The following NEK1 variants were observed in gnomAD, a reference collection of about 807,000 sequenced individuals.
NEK1 encodes the protein NIMA related kinase 1.
NEK1 carries 137 observed loss-of-function variants against 182.1 expected under a neutral mutation model. The observed-to-expected ratio is 0.75, with a 90% CI of 0.65 to 0.87. The LOEUF (loss-of-function observed/expected upper bound fraction) is 0.87, where lower values mean the gene tolerates loss of function less well. Among genes scored for constraint, NEK1 ranks in the 40% least tolerant of loss-of-function variants. The probability of loss-of-function intolerance (pLI) is 0.00; values close to 1 mark genes in which losing one functional copy is unlikely to be tolerated. For synonymous variants in NEK1, 513 were observed against 492.2 expected (o/e 1.04, Z -0.56); for missense variants, 1,391 against 1,494.4 (o/e 0.93, Z 1.14).
chr4:169,573,781 T>C (rs1209091737), intron 12 of NEK1, among the ~76,000 whole-genome samples: 1 of 152,184 alleles, frequency 6.6e-6, no homozygotes, highest in East Asian at 1.9e-4. Flanking sequence ...AGAGTTGTTA[T>C]TATTGATAAT....
At chr4:169,593,649 G>A (rs1317227688) in intron 5 of NEK1, among the ~76,000 whole-genome samples, 1 of 152,092 alleles carries the variant, frequency 6.6e-6, no homozygotes, top group Non-Finnish European at 1.5e-5. Flanking sequence ...CTACATTAGG[G>A]TTTGACCACA....
chr4:169,588,828 T>C (rs931066626), intron 7 of NEK1, 93 bp from the exon 8 acceptor site: 22 of 762,202 alleles, frequency 2.9e-5, no homozygotes, highest in Non-Finnish European at 4.3e-5. Context: ...GCATATATGA[T>C]GCTGGTCCCA....
At chr4:169,508,518 AAAAG>A (rs1753682824) in intron 20 of NEK1, among the ~76,000 whole-genome samples, 187 bp from the exon 21 acceptor site, 1 of 152,242 alleles carries the variant, frequency 6.6e-6, no homozygotes, top group Admixed American at 6.5e-5. Context: ...TTTATTTCTG[AAAAG>A]AAAGAAATAC....
chr4:169,413,171 A>ATT (rs5863996), intron 31 of NEK1, among the ~76,000 whole-genome samples: 1 of 144,564 alleles, frequency 6.9e-6, no homozygotes, highest in African/African-American at 2.5e-5. Context: ...AGTACAGCTA[A>ATT]TTTTTTTTTT....
At chr4:169,482,577 G>A (rs1164971824) in intron 23 of NEK1, among the ~76,000 whole-genome samples, 1 of 150,996 alleles carries the variant, frequency 6.6e-6, no homozygotes, top group Non-Finnish European at 1.5e-5. Context: ...CTCCCGAGTT[G>A]CTGAGACTAC....
chr4:169,522,594 C>G (rs1178337047), intron 19 of NEK1, among the ~76,000 whole-genome samples: 2 of 152,220 alleles, frequency 1.3e-5, no homozygotes, highest in Non-Finnish European at 2.9e-5. Context: ...CTGATTCATT[C>G]TTCTGGTGCT....
intron 12 of NEK1, among the ~76,000 whole-genome samples, chr4:169,562,866 C>T (rs1286903981): frequency 6.6e-6 from 1 of 151,958 alleles, no homozygotes; most frequent in Non-Finnish European, 1.5e-5. Context: ...ATACTGTTTA[C>T]CTAACTTTGG....
intron 31 of NEK1, among the ~76,000 whole-genome samples, chr4:169,423,450 T>C (rs1735824830): frequency 6.6e-6 from 1 of 152,202 alleles, no homozygotes; most frequent in Non-Finnish European, 1.5e-5. Context: ...ATTCAGGCAG[T>C]TGATTCTTTT....
At chr4:169,471,622 G>GA (rs1157897534) in intron 26 of NEK1, among the ~76,000 whole-genome samples, 5 of 152,272 alleles carry the variant, frequency 3.3e-5, no homozygotes, top group African/African-American at 1.2e-4. Context: ...ACTGGAAGAG[G>GA]CAGTCTGTCC....
intron 23 of NEK1, among the ~76,000 whole-genome samples, chr4:169,492,074 A>G (rs948576571): frequency 7.2e-5 from 11 of 152,218 alleles, no homozygotes; most frequent in African/African-American, 2.7e-4. Flanking sequence ...ACAATAAGAG[A>G]AGAAGAAAGG....
intron 33 of NEK1, 148 bp downstream of exon 33, chr4:169,401,501 GAAA>G: frequency 2.0e-6 from 1 of 496,250 alleles, no homozygotes; most frequent in Non-Finnish European, 3.4e-6. Flanking sequence ...TGTATGAAAA[GAAA>G]AAGAATGAAA....
chr4:169,495,433 G>A (rs1248144484), intron 23 of NEK1, among the ~76,000 whole-genome samples: 6 of 151,716 alleles, frequency 4.0e-5, no homozygotes, highest in Non-Finnish European at 5.9e-5. Context: ...TAGTAGAGAC[G>A]GGGTTTCACC....
intron 5 of NEK1, among the ~76,000 whole-genome samples, chr4:169,597,826 C>T (rs936938278): frequency 2.0e-5 from 3 of 151,814 alleles, no homozygotes; most frequent in South Asian, 2.1e-4. Context: ...CCCAGCTACT[C>T]GGGAGGCTGA....
chr4:169,569,745 C>T (rs1293536439), intron 12 of NEK1, among the ~76,000 whole-genome samples: 5 of 152,278 alleles, frequency 3.3e-5, no homozygotes, highest in Middle Eastern at 3.4e-3. Flanking sequence ...CCGCCAGCCT[C>T]GGCCTCCCGA....
At chr4:169,492,710 C>T (rs1750340812) in intron 23 of NEK1, among the ~76,000 whole-genome samples, 1 of 152,188 alleles carries the variant, frequency 6.6e-6, no homozygotes, top group African/African-American at 2.4e-5. Flanking sequence ...TGCACCACCA[C>T]CCGCAGACAT....
At chr4:169,570,810 A>G (rs1164166441) in intron 12 of NEK1, among the ~76,000 whole-genome samples, 4 of 151,944 alleles carry the variant, frequency 2.6e-5, no homozygotes, top group Admixed American at 6.6e-5. Flanking sequence ...GACATGGGAG[A>G]CTTTTCATTT....
intron 31 of NEK1, among the ~76,000 whole-genome samples, chr4:169,413,270 C>T (rs1447079684): frequency 2.6e-5 from 4 of 151,722 alleles, no homozygotes; most frequent in African/African-American, 9.7e-5. Flanking sequence ...TGGGCTCAAG[C>T]GATCCTCCCA....
At chr4:169,397,894 G>A (rs1730986930) in intron 35 of NEK1, among the ~76,000 whole-genome samples, 1 of 152,206 alleles carries the variant, frequency 6.6e-6, no homozygotes, top group African/African-American at 2.4e-5. Flanking sequence ...CAAGCACATT[G>A]TTGCTGATTA....
At chr4:169,581,500 G>A (rs74393477) in intron 10 of NEK1, among the ~76,000 whole-genome samples, 329 of 152,210 alleles carry the variant, frequency 2.2e-3, no homozygotes, top group African/African-American at 7.3e-3. Context: ...GCTCAGGCTG[G>A]TCTCGAATGT....
Sources: gnomAD v4.1 joint callset for allele counts (sites outside exome capture counted in the v4.1 genomes callset) on GRCh38, gnomAD v4.1.1 for gene constraint, MANE v1.5 for transcripts, NCBI Gene and HGNC (gene_info 2026-07-23, HGNC 2026-07-21) for gene names.